ADGRL1: variants seen among roughly 807,000 people sequenced by gnomAD.
ADGRL1 encodes the protein adhesion G protein-coupled receptor L1, also known as CIRL-1.
ADGRL1 carries 31 observed loss-of-function variants against 148.9 expected under a neutral mutation model. That is an observed-to-expected ratio of 0.21 (90% CI 0.16 to 0.28). The LOEUF is 0.28. ADGRL1 is among the 10% of genes least tolerant of loss of function. The pLI is 1.00. For synonymous variants in ADGRL1, 937 were observed against 900.3 expected, an observed-to-expected ratio of 1.04 and a Z score of -0.73; for missense variants, 1,521 against 2,058.8, an observed-to-expected ratio of 0.74 and a Z score of 5.05.
At position 14,152,141 on chromosome 19, in the gene ADGRL1, C is replaced by T. The variant is rs566513234; in HGVS notation, c.3659G>A (p.Arg1220Gln). Residue 1220 changes from arginine to glutamine, a missense_variant, in exon 22 of 23, where the codon CGG becomes CAG. Around this residue, in one of 8 missense-constraint regions of ADGRL1, gnomAD observed 390 missense variants for 375.0 expected, o/e 1.04. Transcript: ENST00000361434. The surrounding 1 kb of genome is among the most constrained non-coding windows in gnomAD (Gnocchi z 6.1). ...PPVFNSPGSY[R>Q]EPKHPLGGRE... is the part of the protein sequence containing the mutation. ...GGAAGAGTCACACTTACTGGGTTCCCGGTAGCTCCCTGCAGGTGGCAGCCA... is the reference window on the plus strand; with the variant it reads ...GGAAGAGTCACACTTACTGGGTTCCTGGTAGCTCCCTGCAGGTGGCAGCCA... 47 of 1,614,058 alleles carry T rather than the reference C, an allele frequency of 2.9e-5. No homozygotes were observed. Among genetic ancestry groups the T allele is most frequent in the Admixed American group, 6.7e-5 (4 of 60,008 alleles).
At chr19:14,205,540 G>A (rs1447940332) in intron 1 of ADGRL1, among the ~76,000 whole-genome samples, 1 of 151,046 alleles carries the variant, frequency 6.6e-6, no homozygotes, top group Admixed American at 6.6e-5. Flanking sequence ...GCGCGCACAC[G>A]CACCCCCTCC....
At position 14,161,970 on chromosome 19, in the gene ADGRL1, TCAG is replaced by T. The variant is rs2144740321; in HGVS notation, c.1196-347_1196-345del. Among the ~76,000 whole-genome samples the T allele has an allele frequency of 6.6e-6, 1 of 152,218 alleles. No homozygotes were observed. The highest frequency in any genetic ancestry group is 2.1e-4 in the South Asian group (1 of 4,828). ...GGGCAGGAGCCCTCCCCAATCCAGG[TCAG>T]CCCCGCCACCAGGTGGGGGCTGAAT... On this transcript the variant is annotated intron_variant, in intron 5 of 22. Coordinates refer to ENST00000361434, the MANE Select transcript of ADGRL1 (RefSeq NM_014921.5). The surrounding 1 kb of genome is among the most constrained non-coding windows in gnomAD (Gnocchi z 4.4).
intron 1 of ADGRL1, among the ~76,000 whole-genome samples, chr19:14,187,677 C>G (rs933634288): frequency 6.6e-6 from 1 of 151,866 alleles, no homozygotes; most frequent in Admixed American, 6.6e-5. Context: ...GCCGCCGCCA[C>G]CAGCCCCTAT....
At position 14,155,153 on chromosome 19, in the gene ADGRL1, A is replaced by G; in HGVS notation, c.3294+206T>C. 2.2e-6 allele frequency: 1 copy of G among 458,492 alleles called. No individual in the cohort carries two copies. Among genetic ancestry groups the G allele is most frequent in the Non-Finnish European group, 3.9e-6 (1 of 255,858 alleles). 28.4% of individuals were successfully genotyped at this position (458,492 alleles called of 1,614,324 possible). On this transcript the variant is annotated intron_variant, in intron 18 of 22. Coordinates refer to ENST00000361434, the MANE Select transcript of ADGRL1 (RefSeq NM_014921.5). This position sits in a 1 kb window ranked among gnomAD's most constrained non-coding sequence, Gnocchi z 5.0. ...AAGTTGCTGTATCTTGTTTTCCAGA[A>G]CCCTCTTCACCCGTGGTTAAACCCT...
In ADGRL1 at chr19:14,159,832, A is replaced by G; in HGVS notation, c.1801-59T>C. On this transcript the variant is annotated intron_variant, in intron 8 of 22. Coordinates refer to ENST00000361434, the MANE Select transcript of ADGRL1 (RefSeq NM_014921.5). This position sits in a 1 kb window ranked among gnomAD's most constrained non-coding sequence, Gnocchi z 6.0. Reference sequence around the variant, plus strand: ...CTCTGGGTGCCGGTTCCCTCACCCTAATACTGTCACATCTGGATAGCTCTC... The same window carrying G: ...CTCTGGGTGCCGGTTCCCTCACCCTGATACTGTCACATCTGGATAGCTCTC... The G allele has an allele frequency of 1.4e-6, 2 of 1,408,088 alleles. No individual in the cohort carries two copies. The highest frequency in any genetic ancestry group is 4.6e-5 in the East Asian group (2 of 43,900). 87.2% of individuals were successfully genotyped at this position (1,408,088 alleles called of 1,614,324 possible).
At chr19:14,203,126 G>A (rs189654198) in intron 1 of ADGRL1, among the ~76,000 whole-genome samples, 103 of 152,118 alleles carry the variant, frequency 6.8e-4, no homozygotes, top group African/African-American at 2.2e-3. Flanking sequence ...GTCTTGCCAC[G>A]GCACCTTCAG....
Position 14,162,933 on chromosome 19 carries a change from G to C in ADGRL1, c.868C>G (p.Leu290Val). The C allele has an allele frequency of 6.2e-7, 1 of 1,613,544 alleles. No homozygotes were observed. Among genetic ancestry groups the C allele is most frequent in the Non-Finnish European group, 8.5e-7 (1 of 1,179,848 alleles). ...TCAAAGCGCAGTGTGTAGGGGTTCA[G>C]CTGGCTCACCACCAGCCGCCCGTTG... is the stretch of plus-strand genomic sequence containing the variant. ...GNNGRLVVSQ[L>V]NPYTLRFEGT... The change falls in exon 5 of 23, where the codon CTG (leucine) becomes GTG (valine). Residue 290 changes from leucine (L) to valine (V), a missense_variant. This residue lies in a region of ADGRL1 where 334 missense variants were observed against 512.5 expected (regional missense o/e 0.65). Coordinates refer to ENST00000361434, the MANE Select transcript of ADGRL1 (RefSeq NM_014921.5). This position sits in a 1 kb window ranked among gnomAD's most constrained non-coding sequence, Gnocchi z 5.4.
intron 1 of ADGRL1, among the ~76,000 whole-genome samples, chr19:14,193,159 G>T (rs942525659): frequency 1.3e-5 from 2 of 151,626 alleles, no homozygotes; most frequent in African/African-American, 4.9e-5. Context: ...GACACCCCCA[G>T]GAACCAGCCT....
At chr19:14,154,326 C>T (rs1193579966) in intron 18 of ADGRL1, among the ~76,000 whole-genome samples, 2 of 152,234 alleles carry the variant, frequency 1.3e-5, no homozygotes, top group African/African-American at 4.8e-5. Context: ...CCAAGTCCAA[C>T]AGCAGTCTCC....
Position 14,167,902 on chromosome 19 carries a change from G to C in ADGRL1, c.394+2780C>G, listed in dbSNP as rs1454968870. On this transcript the variant is annotated intron_variant, in intron 4 of 22. Coordinates refer to ENST00000361434, the MANE Select transcript of ADGRL1 (RefSeq NM_014921.5). ...GGGCCCGGGGGCCCAGGAGCTGGGA[G>C]CTCCGCCCTGCCCGCTGCCCTGCGG... is the stretch of plus-strand genomic sequence containing the variant. Among the ~76,000 whole-genome samples the C allele has an allele frequency of 3.3e-5, 5 of 152,198 alleles. No individual in the cohort carries two copies. The South Asian group carries it at 6.2e-4, about 19-fold the overall frequency.
chr19:14,171,162 CTGTGAT>C, intron 3 of ADGRL1: 1 of 209,070 alleles, frequency 4.8e-6, no homozygotes, highest in Admixed American at 5.4e-5. Flanking sequence ...TCACCTTCTG[CTGTGAT>C]TGTAAGTTTC....
At chr19:14,193,743 C>A (rs545760505) in intron 1 of ADGRL1, among the ~76,000 whole-genome samples, 1 of 152,302 alleles carries the variant, frequency 6.6e-6, no homozygotes, top group Non-Finnish European at 1.5e-5. Context: ...AAGGAGAAAC[C>A]TGGACACAGA....
chr19:14,188,783 T>C (rs1348603566), intron 1 of ADGRL1, among the ~76,000 whole-genome samples: 1 of 152,198 alleles, frequency 6.6e-6, no homozygotes, highest in Non-Finnish European at 1.5e-5. Flanking sequence ...TCCTTTTTTT[T>C]CTTTTTTTGA....
In ADGRL1 at chr19:14,159,904, T is replaced by C. The variant is rs1483057217; in HGVS notation, c.1801-131A>G. ...CCAGGGCTGGGCTATCAGCAAGACA[T>C]TCCTCAGGGATCCCCAACCCCCAGG... On this transcript the variant is annotated intron_variant, in intron 8 of 22. Transcript: ENST00000361434. The surrounding 1 kb of genome is among the most constrained non-coding windows in gnomAD (Gnocchi z 6.0). 2.0e-6 allele frequency: 2 copies of C among 1,008,394 alleles called. No individual in the cohort carries two copies. The highest frequency in any genetic ancestry group is 1.6e-5 in the African/African-American group (1 of 63,634). 62.5% of individuals were successfully genotyped at this position (1,008,394 alleles called of 1,614,324 possible).
intron 1 of ADGRL1, among the ~76,000 whole-genome samples, chr19:14,197,889 G>T (rs1010436315): frequency 6.6e-6 from 1 of 152,184 alleles, no homozygotes; most frequent in African/African-American, 2.4e-5. Flanking sequence ...TTCAGTGGAT[G>T]TTTACCGAGT....
rs1374143265 is a variant in ADGRL1, at chr19:14,157,555, A to G, written c.2536-95T>C. ...CACAGACAGGGCCCTGGGCAAGGCCATGGGCCGTGAGGACCTCTGGTGCCG... is the reference window on the plus strand; with the variant it reads ...CACAGACAGGGCCCTGGGCAAGGCCGTGGGCCGTGAGGACCTCTGGTGCCG... On this transcript the variant is annotated intron_variant, in intron 13 of 22. Transcript: ENST00000361434. The surrounding 1 kb of genome is among the most constrained non-coding windows in gnomAD (Gnocchi z 7.5). The G allele has an allele frequency of 3.1e-6, 4 of 1,298,144 alleles. No homozygotes were observed. The highest frequency in any genetic ancestry group is 4.4e-6 in the Non-Finnish European group (4 of 914,956). The allele number at this position is 1,298,144 out of a possible 1,614,324, so 80.4% of individuals were successfully genotyped here.
rs112440433 is a variant in ADGRL1, at chr19:14,157,083, C to T, written c.2808G>A (p.Leu936=). The T allele has an allele frequency of 5.0e-6, 8 of 1,614,116 alleles. No individual in the cohort carries two copies. Among genetic ancestry groups the T allele is most frequent in the East Asian group, 2.2e-5 (1 of 44,884 alleles). ...GGTAGAGGTGCACGCCCTCCAGGCA[C>T]AGCCAGGAGAAGGCAGCCAGGAAGA... The part of the protein sequence containing the change: ...HYFFLAAFSW[L]CLEGVHLYLL... The change falls in exon 15 of 23, where the codon CTG becomes CTA. Residue 936 remains leucine (L), a synonymous_variant. Transcript: ENST00000361434. This position sits in a 1 kb window ranked among gnomAD's most constrained non-coding sequence, Gnocchi z 7.5.
chr19:14,150,668 TG>T lies in ADGRL1; in HGVS notation c.*204del. ...CCCAAATAGAGCTGGTGCGTGTGGCTGGTGGGAAACCCTGTCTGTGAACCCT... is the reference window on the plus strand; with the variant it reads ...CCCAAATAGAGCTGGTGCGTGTGGCTGTGGGAAACCCTGTCTGTGAACCCT... On this transcript the variant is annotated 3_prime_UTR_variant, in exon 23 of 23. Transcript: ENST00000361434. 1.7e-6 allele frequency: 1 copy of T among 599,034 alleles called. No individual in the cohort carries two copies. Among genetic ancestry groups the T allele is most frequent in the Non-Finnish European group, 2.9e-6 (1 of 348,058 alleles). 37.1% of individuals were successfully genotyped at this position (599,034 alleles called of 1,614,324 possible).
rs144797886 is a variant in ADGRL1, at chr19:14,156,667, G to A, written c.3024C>T (p.Phe1008=). 34 of 1,611,222 alleles carry A rather than the reference G, an allele frequency of 2.1e-5. No homozygotes were observed. In the African/African-American group the frequency reaches 2.3e-4, roughly 11 times the overall value. The change falls in exon 16 of 23, where the codon TTC becomes TTT. Residue 1008 remains phenylalanine, a synonymous_variant. Coordinates refer to ENST00000361434, the MANE Select transcript of ADGRL1 (RefSeq NM_014921.5). Reference sequence around the variant, plus strand: ...TCACCTCCCAACTCACCACGATAACGAAGGAGACTGGCCCGATGAAACTCC... The same window carrying A: ...TCACCTCCCAACTCACCACGATAACAAAGGAGACTGGCCCGATGAAACTCC... The part of the protein sequence containing the change: ...FIWSFIGPVS[F]VIVVNLVFLM...
Sources: gnomAD v4.1 joint callset for allele counts (sites outside exome capture counted in the v4.1 genomes callset) on GRCh38, gnomAD v4.1.1 for gene constraint, gnomAD v4.1.1 regional missense constraint, Gnocchi (gnomAD v3.1) non-coding constraint, MANE v1.5 for transcripts, NCBI Gene and HGNC (gene_info 2026-07-23, HGNC 2026-07-21) for gene names.